CALM2: variants seen among roughly 807,000 people sequenced by gnomAD.
CALM2 encodes the protein calmodulin-2.
CALM2 carries 2 observed loss-of-function variants against 19.8 expected under a neutral mutation model. The observed-to-expected ratio is 0.10, with a 90% CI of 0.04 to 0.32. The LOEUF (loss-of-function observed/expected upper bound fraction) is 0.32, where lower values mean the gene tolerates loss of function less well. Ranked by LOEUF, CALM2 falls within the 10% of genes least tolerant of loss-of-function variation. The pLI is 1.00. For missense variants in CALM2, 38 were observed against 178.7 expected (o/e 0.21, Z 4.49); for synonymous variants, 51 against 52.1 (o/e 0.98, Z 0.09).
upstream of CALM2, chr2:47,176,528 C>T (rs184112571): frequency 6.4e-5 from 101 of 1,588,552 alleles, no homozygotes; most frequent in East Asian, 1.2e-4. Context: ...CCTCCTCCGC[C>T]CCCAGCGCCT....
At chr2:47,160,850 C>CAAAAAAAAA (rs55773607) in intron 5 of CALM2, 46 bp from the exon 6 acceptor site, 13 of 371,990 alleles carry the variant, frequency 3.5e-5, no homozygotes, top group South Asian at 2.3e-4. Context: ...AGCAAAAGAC[C>CAAAAAAAAA]AAAAAAAAAA....
intron 2 of CALM2, among the ~76,000 whole-genome samples, chr2:47,166,792 G>A (rs1040535313): frequency 1.3e-5 from 2 of 152,072 alleles, no homozygotes; most frequent in East Asian, 1.9e-4. Flanking sequence ...TTAAATCCAA[G>A]AGTCAAAACC....
At chr2:47,162,706 T>A in intron 2 of CALM2, 44 bp from the exon 3 acceptor site, 2 of 1,484,392 alleles carry the variant, frequency 1.3e-6, no homozygotes, top group Non-Finnish European at 1.8e-6. Flanking sequence ...AGATTAATAA[T>A]AAAATGTAAC....
chr2:47,172,947 C>T (rs572239955), intron 1 of CALM2: 1 of 152,450 alleles, frequency 6.6e-6, no homozygotes, highest in South Asian at 2.1e-4. Flanking sequence ...ATTTAGGGAC[C>T]TCATACCATC....
At chr2:47,176,199 A>G in intron 1 of CALM2, 2 of 516,574 alleles carry the variant, frequency 3.9e-6, no homozygotes, top group Non-Finnish European at 6.9e-6. Context: ...GAGGAGCTTC[A>G]CCACCTCGGG....
chr2:47,165,131 C>T (rs1666421232), intron 2 of CALM2, among the ~76,000 whole-genome samples: 1 of 152,208 alleles, frequency 6.6e-6, no homozygotes, highest in Admixed American at 6.5e-5. Context: ...CAACTCATCA[C>T]CTGAAAATGC....
chr2:47,174,428 A>G (rs1033146847), intron 1 of CALM2, among the ~76,000 whole-genome samples: 2 of 151,974 alleles, frequency 1.3e-5, no homozygotes, highest in Non-Finnish European at 2.9e-5. Context: ...AATTTTTTTT[A>G]ATTGGATTCC....
In CALM2 at chr2:47,170,781, G is replaced by A. The variant is rs1666639561; in HGVS notation, c.4-17C>T. The A allele has an allele frequency of 1.2e-6, 2 of 1,611,156 alleles. No individual in the cohort carries two copies. Among genetic ancestry groups the A allele is most frequent in the South Asian group, 1.1e-5 (1 of 91,018 alleles). ...TTGGTCAGCCTACAAAGAGATCAAA[G>A]AGGAAGGTTAGTGACTTGAGAGTAT... On this transcript the variant is annotated splice_polypyrimidine_tract_variant and intron_variant, in intron 1 of 5. Coordinates refer to ENST00000272298, the MANE Select transcript of CALM2 (RefSeq NM_001743.6).
chr2:47,175,944 T>C (rs1287288770), intron 1 of CALM2, among the ~76,000 whole-genome samples: 1 of 150,456 alleles, frequency 6.6e-6, no homozygotes, highest in Non-Finnish European at 1.5e-5. Context: ...ACGCCGACGC[T>C]CGCCCCAGGG....
intron 3 of CALM2, 25 bp downstream of exon 3, chr2:47,162,494 C>A (rs760575571): frequency 1.1e-5 from 17 of 1,613,736 alleles, no homozygotes; most frequent in South Asian, 9.9e-5. Flanking sequence ...CAACCCCTCC[C>A]AGCCCCACAA....
intron 1 of CALM2, among the ~76,000 whole-genome samples, chr2:47,174,889 AC>A (rs1411927636): frequency 6.6e-6 from 1 of 152,114 alleles, no homozygotes; most frequent in Non-Finnish European, 1.5e-5. Context: ...AATCCATCAA[AC>A]GTCAATGAAC....
chr2:47,169,091 AAGAGTTGTTTAAG>A (rs944174522), intron 2 of CALM2, among the ~76,000 whole-genome samples: 1 of 152,036 alleles, frequency 6.6e-6, no homozygotes, highest in Non-Finnish European at 1.5e-5. Context: ...TTTCTTTTCA[AAGAGTTGTTTAAG>A]AGAGCAGACC....
intron 2 of CALM2, among the ~76,000 whole-genome samples, chr2:47,168,472 T>G (rs899447022): frequency 6.6e-6 from 1 of 152,098 alleles, no homozygotes; most frequent in Non-Finnish European, 1.5e-5. Flanking sequence ...GGCATGGTGA[T>G]TCACACCTGT....
chr2:47,170,697 G>A (rs1443121965), intron 2 of CALM2, 37 bp downstream of exon 2: 2 of 1,548,194 alleles, frequency 1.3e-6, no homozygotes, highest in Admixed American at 1.7e-5. Context: ...TTTATAATAA[G>A]AATCTAATGG....
chr2:47,168,835 T>C (rs569658462), intron 2 of CALM2, among the ~76,000 whole-genome samples: 74 of 152,128 alleles, frequency 4.9e-4, no homozygotes, highest in African/African-American at 1.6e-3. Flanking sequence ...TGGAGTGCAG[T>C]GGCATGATCT....
intron 5 of CALM2, 46 bp from the exon 6 acceptor site, chr2:47,160,850 C>CAAAAAAA (rs55773607): frequency 2.4e-5 from 9 of 371,972 alleles, no homozygotes; most frequent in South Asian, 1.5e-4. Context: ...AGCAAAAGAC[C>CAAAAAAA]AAAAAAAAAA....
intron 2 of CALM2, among the ~76,000 whole-genome samples, chr2:47,164,519 C>T (rs1169119620): frequency 6.6e-6 from 1 of 151,708 alleles, no homozygotes; most frequent in Non-Finnish European, 1.5e-5. Flanking sequence ...ACTGCTTGAA[C>T]CCGAGAGGCG....
At chr2:47,162,235 T>C (rs1687183787) in intron 4 of CALM2, 51 bp downstream of exon 4, 1 of 883,322 alleles carries the variant, frequency 1.1e-6, no homozygotes, top group Non-Finnish European at 1.7e-6. Flanking sequence ...TAATGAGTCC[T>C]GGTATCTTCA....
chr2:47,161,930 T>G, intron 4 of CALM2, 72 bp from the exon 5 acceptor site: 1 of 1,255,006 alleles, frequency 8.0e-7, no homozygotes, highest in Non-Finnish European at 1.1e-6. Flanking sequence ...TTTATTAAGT[T>G]TACTACTAAA....
Sources: gnomAD v4.1 joint callset for allele counts (sites outside exome capture counted in the v4.1 genomes callset) on GRCh38, gnomAD v4.1.1 for gene constraint, MANE v1.5 for transcripts, NCBI Gene and HGNC (gene_info 2026-07-23, HGNC 2026-07-21) for gene names.